DPP6: variants seen among roughly 807,000 people sequenced by gnomAD.
DPP6 encodes the protein dipeptidyl peptidase like 6, also known as A-type potassium channel modulatory protein DPP6.
A neutral mutation model predicts 122.6 loss-of-function variants in DPP6; 69 were observed. The observed-to-expected ratio is 0.56, with a 90% CI of 0.46 to 0.69. The LOEUF (loss-of-function observed/expected upper bound fraction) is 0.69, where lower values mean the gene tolerates loss of function less well. Among genes scored for constraint, DPP6 ranks in the 30% least tolerant of loss-of-function variants. The probability of loss-of-function intolerance (pLI) is 0.00; values close to 1 mark genes in which losing one functional copy is unlikely to be tolerated. For missense variants in DPP6, 928 were observed against 1,116.9 expected, an observed-to-expected ratio of 0.83 and a Z score of 2.41; for synonymous variants, 418 against 433.1, an observed-to-expected ratio of 0.97 and a Z score of 0.43.
chr7:153,840,147 T>C, the DPP6 span, among the ~76,000 whole-genome samples: 1 of 152,172 alleles, frequency 6.6e-6, no homozygotes, highest in Non-Finnish European at 1.5e-5. Context: ...TCTTCTAAAA[T>C]TTTGAATAAT....
chr7:154,330,338 A>T (rs1363521192), intron 1 of DPP6, among the ~76,000 whole-genome samples: 1 of 152,216 alleles, frequency 6.6e-6, no homozygotes, highest in Non-Finnish European at 1.5e-5. Flanking sequence ...GGGAGAAAAG[A>T]AAAAAGACAA....
intron 1 of DPP6, among the ~76,000 whole-genome samples, chr7:154,356,264 C>G (rs1405651234): frequency 6.6e-6 from 1 of 152,180 alleles, no homozygotes; most frequent in Non-Finnish European, 1.5e-5. Flanking sequence ...TTATTTTATA[C>G]AGTTTTGTAA....
intron 6 of DPP6, among the ~76,000 whole-genome samples, chr7:154,663,790 A>G (rs4960582): frequency 0.15 from 8,516 of 56,076 alleles, 556 homozygotes; most frequent in East Asian, 0.29. Flanking sequence ...CGTATCGGCC[A>G]TAGTGTTCAT....
chr7:154,568,750 G>A (rs932037860), intron 5 of DPP6, among the ~76,000 whole-genome samples: 3 of 152,118 alleles, frequency 2.0e-5, no homozygotes, highest in Admixed American at 6.5e-5. Flanking sequence ...AGCATCTGTC[G>A]GTGTTTGGAG....
chr7:154,386,028 C>T (rs1221467513), intron 1 of DPP6, among the ~76,000 whole-genome samples: 2 of 152,156 alleles, frequency 1.3e-5, no homozygotes, highest in Middle Eastern at 3.2e-3. Flanking sequence ...CCCTTTCTTG[C>T]AAAAGTACAA....
chr7:153,942,323 C>T (rs1388800087), intron 1 of DPP6, among the ~76,000 whole-genome samples: 2 of 152,222 alleles, frequency 1.3e-5, no homozygotes, highest in African/African-American at 2.4e-5. Context: ...AAACTGCACA[C>T]TTCACCTGTT....
At chr7:154,761,648 G>T (rs1444075669) in intron 8 of DPP6, among the ~76,000 whole-genome samples, 1 of 152,206 alleles carries the variant, frequency 6.6e-6, no homozygotes, top group Non-Finnish European at 1.5e-5. Context: ...TCACGTGGTG[G>T]GAGCAGGAGT....
chr7:154,687,232 G>A (rs1839669425), intron 7 of DPP6, among the ~76,000 whole-genome samples: 1 of 152,140 alleles, frequency 6.6e-6, no homozygotes, highest in Non-Finnish European at 1.5e-5. Flanking sequence ...ATGAACATGT[G>A]GAAGCATTAG....
intron 8 of DPP6, among the ~76,000 whole-genome samples, chr7:154,743,150 G>A (rs1400526848): frequency 3.9e-5 from 6 of 152,142 alleles, no homozygotes; most frequent in Admixed American, 6.5e-5. Context: ...CTCATCTCTC[G>A]GGCTCAGCTC....
At chr7:154,856,993 A>G (rs1802896639) in intron 17 of DPP6, among the ~76,000 whole-genome samples, 1 of 152,192 alleles carries the variant, frequency 6.6e-6, no homozygotes, top group Admixed American at 6.5e-5. Context: ...GGCGTTTAGA[A>G]TTATTTTGGT....
chr7:154,121,363 G>C (rs923383099), intron 1 of DPP6, among the ~76,000 whole-genome samples: 1 of 152,144 alleles, frequency 6.6e-6, no homozygotes. Flanking sequence ...AGTGTAGGTT[G>C]TGGATTCGAG....
chr7:154,503,206 G>T (rs1212134859), intron 3 of DPP6, among the ~76,000 whole-genome samples: 1 of 152,188 alleles, frequency 6.6e-6, no homozygotes. Flanking sequence ...AAAGTGACAG[G>T]CTTAGCCCTT....
At chr7:154,571,954 AC>A (rs1376651937) in intron 5 of DPP6, among the ~76,000 whole-genome samples, 1 of 152,106 alleles carries the variant, frequency 6.6e-6, no homozygotes, top group Non-Finnish European at 1.5e-5. Flanking sequence ...TATAAAGAAG[AC>A]TGTGGTCAAG....
intron 1 of DPP6, among the ~76,000 whole-genome samples, chr7:154,165,626 G>C (rs914690728): frequency 2.6e-5 from 4 of 151,752 alleles, no homozygotes; most frequent in African/African-American, 9.7e-5. Flanking sequence ...CCCACCAACA[G>C]TGTAAAAGTG....
At chr7:154,000,307 T>A (rs1468257382) in intron 1 of DPP6, among the ~76,000 whole-genome samples, 1 of 152,170 alleles carries the variant, frequency 6.6e-6, no homozygotes, top group Non-Finnish European at 1.5e-5. Context: ...CAGCAATAGA[T>A]GGGGTTGTGT....
At chr7:153,781,180 G>A in the DPP6 span, among the ~76,000 whole-genome samples, 1 of 152,206 alleles carries the variant, frequency 6.6e-6, no homozygotes, top group African/African-American at 2.4e-5. Flanking sequence ...GCATAAAGAT[G>A]ACTTCTGGGC....
chr7:154,811,951 T>C (rs1395038635), intron 16 of DPP6, among the ~76,000 whole-genome samples: 1 of 152,196 alleles, frequency 6.6e-6, no homozygotes, highest in African/African-American at 2.4e-5. Context: ...AAAATCCTCC[T>C]TTTTTAGGTT....
chr7:154,659,352 T>C (rs1394511207), intron 6 of DPP6, among the ~76,000 whole-genome samples: 1 of 152,252 alleles, frequency 6.6e-6, no homozygotes, highest in Non-Finnish European at 1.5e-5. Context: ...TTTATCAATA[T>C]TCAACCATTG....
At chr7:153,894,392 G>A (rs1327048780) in intron 1 of DPP6, among the ~76,000 whole-genome samples, 1 of 152,078 alleles carries the variant, frequency 6.6e-6, no homozygotes, top group South Asian at 2.1e-4. Flanking sequence ...GATCTTCTAG[G>A]TCCCTTGAAC....
Sources: allele counts gnomAD v4.1 joint callset (sites outside exome capture counted in the v4.1 genomes callset), GRCh38; gene constraint gnomAD v4.1.1; transcripts MANE v1.5; gene names NCBI Gene and HGNC (gene_info 2026-07-23, HGNC 2026-07-21).